The following EPHA3 variants were observed in gnomAD, a reference collection of about 807,000 sequenced individuals.
The protein encoded by EPHA3 is EPH receptor A3.
EPHA3 carries 42 observed loss-of-function variants against 107.1 expected under a neutral mutation model. The observed-to-expected ratio is 0.39, with a 90% CI of 0.31 to 0.51. EPHA3 has a LOEUF of 0.51. EPHA3 is among the 20% of genes least tolerant of loss of function. EPHA3 has a pLI of 0.78. For missense variants in EPHA3, 1,183 were observed against 1,211.2 expected (o/e 0.98, Z 0.35); for synonymous variants, 461 against 424.8 (o/e 1.09, Z -1.05).
chr3:89,288,152 T>C (rs1706133425), intron 3 of EPHA3, among the ~76,000 whole-genome samples: 1 of 152,018 alleles, frequency 6.6e-6, no homozygotes, highest in Non-Finnish European at 1.5e-5. Flanking sequence ...AAAAAACACC[T>C]GGTGAATGCT....
intron 1 of EPHA3, 28 bp downstream of exon 1, chr3:89,107,864 C>T (rs766357876): frequency 6.2e-7 from 1 of 1,606,088 alleles, no homozygotes; most frequent in Non-Finnish European, 8.5e-7. Flanking sequence ...ACGCACGGAG[C>T]TCTGCCCCGC....
chr3:89,223,837 G>A (rs1704439959), intron 3 of EPHA3, among the ~76,000 whole-genome samples: 9 of 151,904 alleles, frequency 5.9e-5, no homozygotes, highest in Admixed American at 5.9e-4. Flanking sequence ...ACTAAAATAT[G>A]GTTAGTAAAT....
intron 3 of EPHA3, among the ~76,000 whole-genome samples, chr3:89,306,338 G>A (rs912176617): frequency 1.3e-5 from 2 of 152,058 alleles, no homozygotes; most frequent in Non-Finnish European, 2.9e-5. Context: ...TCATCTTAGA[G>A]CAGGAAATTT....
At chr3:89,146,093 G>T (rs1028356802) in intron 2 of EPHA3, among the ~76,000 whole-genome samples, 5 of 151,748 alleles carry the variant, frequency 3.3e-5, no homozygotes, top group African/African-American at 1.2e-4. Flanking sequence ...TCTAGAAATA[G>T]TTCATAAGTT....
intron 3 of EPHA3, 63 bp from the exon 4 acceptor site, chr3:89,340,853 C>T (rs2107416947): frequency 2.8e-6 from 4 of 1,424,208 alleles, no homozygotes; most frequent in Non-Finnish European, 3.7e-6. Context: ...TTACTTAAAT[C>T]TGTTTTACAT....
Position 89,295,163 on chromosome 3 carries a change from T to G in EPHA3, c.815-45753T>G, listed in dbSNP as rs558813484. 4.5e-5 allele frequency among the ~76,000 whole-genome samples: 5 copies of G among 110,994 alleles called. No individual in the cohort carries two copies. In the South Asian group the frequency reaches 1.2e-3, roughly 26 times the overall value. 72.8% of individuals were successfully genotyped at this position (110,994 alleles called of 152,430 possible). ...TCACACAAATGTTTTGCTCTCCCAGTGCATATGAAGGTTATGTTTACTCTC... is the reference window on the plus strand; with the variant it reads ...TCACACAAATGTTTTGCTCTCCCAGGGCATATGAAGGTTATGTTTACTCTC... On this transcript the variant is annotated intron_variant, in intron 3 of 16. Coordinates refer to ENST00000336596, the MANE Select transcript of EPHA3 (RefSeq NM_005233.6).
At chr3:89,153,104 A>C (rs1308756073) in intron 2 of EPHA3, among the ~76,000 whole-genome samples, 1 of 152,134 alleles carries the variant, frequency 6.6e-6, no homozygotes, top group Non-Finnish European at 1.5e-5. Flanking sequence ...TAAATGGGCT[A>C]TGTATGCAAT....
chr3:89,388,356 G>C (rs1171528717), intron 5 of EPHA3, among the ~76,000 whole-genome samples: 1 of 152,140 alleles, frequency 6.6e-6, no homozygotes, highest in East Asian at 1.9e-4. Flanking sequence ...AGCAAATGAT[G>C]TAATTACAAC....
At chr3:89,289,032 A>G (rs1353779125) in intron 3 of EPHA3, among the ~76,000 whole-genome samples, 1 of 152,134 alleles carries the variant, frequency 6.6e-6, no homozygotes, top group Non-Finnish European at 1.5e-5. Context: ...TCAAATTTCT[A>G]TGTCTTTACC....
rs1429067329 is a variant in EPHA3, at chr3:89,351,477, G to A, written c.1306+9387G>A. 1.1e-4 allele frequency among the ~76,000 whole-genome samples: 16 copies of A among 142,352 alleles called. No homozygotes were observed. The East Asian group carries it at 1.4e-3, about 13-fold the overall frequency. 93.4% of individuals were successfully genotyped at this position (142,352 alleles called of 152,430 possible). On this transcript the variant is annotated intron_variant, in intron 5 of 16. Transcript: ENST00000336596. ...GCAATGCCTCGCCCTGCTTCGGCTC[G>A]CGCACGGTGCGCGCACCCACTGGCC...
chr3:89,372,792 C>T (rs1296452869), intron 5 of EPHA3, among the ~76,000 whole-genome samples: 3 of 151,588 alleles, frequency 2.0e-5, no homozygotes, highest in Non-Finnish European at 4.4e-5. Context: ...ATAAATAAAA[C>T]AAATAGAATA....
At chr3:89,317,331 T>C (rs962954874) in intron 3 of EPHA3, among the ~76,000 whole-genome samples, 2 of 151,786 alleles carry the variant, frequency 1.3e-5, no homozygotes, top group African/African-American at 4.8e-5. Context: ...AGATGCAAGA[T>C]AGATCTGGAG....
At chr3:89,159,696 G>A (rs376287592) in intron 2 of EPHA3, among the ~76,000 whole-genome samples, 17 of 151,984 alleles carry the variant, frequency 1.1e-4, no homozygotes, top group Middle Eastern at 3.2e-3. Flanking sequence ...AATCCAAAGC[G>A]GATAAATATC....
intron 1 of EPHA3, among the ~76,000 whole-genome samples, chr3:89,111,699 G>T (rs1315151693): frequency 3.3e-5 from 5 of 152,054 alleles, no homozygotes; most frequent in South Asian, 2.1e-4. Context: ...GTCCCGTAAA[G>T]AAACTTTTTG....
intron 3 of EPHA3, among the ~76,000 whole-genome samples, chr3:89,244,226 G>A (rs1704978082): frequency 6.6e-6 from 1 of 151,938 alleles, no homozygotes; most frequent in African/African-American, 2.4e-5. Context: ...AGATTTTTAA[G>A]CCAATAAAAT....
At chr3:89,267,988 T>C (rs550632611) in intron 3 of EPHA3, among the ~76,000 whole-genome samples, 78 of 152,282 alleles carry the variant, frequency 5.1e-4, no homozygotes, top group Non-Finnish European at 8.4e-4. Context: ...GCTATTGCTC[T>C]CATTTCACAT....
At chr3:89,364,351 A>G (rs1328600467) in intron 5 of EPHA3, among the ~76,000 whole-genome samples, 1 of 151,028 alleles carries the variant, frequency 6.6e-6, no homozygotes, top group Non-Finnish European at 1.5e-5. Flanking sequence ...CTCCAAGCCA[A>G]TCCTACAGAT....
chr3:89,428,381 T>A (rs1278460765), intron 11 of EPHA3, among the ~76,000 whole-genome samples: 2 of 152,084 alleles, frequency 1.3e-5, no homozygotes, highest in African/African-American at 4.8e-5. Context: ...ATGCTCACAA[T>A]AAGTACTATT....
At chr3:89,213,616 A>G (rs1178628006) in intron 3 of EPHA3, among the ~76,000 whole-genome samples, 2 of 152,026 alleles carry the variant, frequency 1.3e-5, no homozygotes, top group Non-Finnish European at 2.9e-5. Context: ...TACGGTACCA[A>G]AGATCATACT....
Sources: allele counts gnomAD v4.1 joint callset (sites outside exome capture counted in the v4.1 genomes callset), GRCh38; gene constraint gnomAD v4.1.1; transcripts MANE v1.5; gene names NCBI Gene and HGNC (gene_info 2026-07-23, HGNC 2026-07-21).